GPI: variants seen among roughly 807,000 people sequenced by gnomAD.
GPI encodes glucose-6-phosphate isomerase.
A neutral mutation model predicts 75.8 loss-of-function variants in GPI; 56 were observed. The ratio of observed to expected loss-of-function variants is 0.74; its 90% CI spans 0.60 to 0.92. The LOEUF (loss-of-function observed/expected upper bound fraction) is 0.92. GPI is among the 40% of genes least tolerant of loss of function. The probability of loss-of-function intolerance (pLI) is 0.00; values close to 1 mark genes in which losing one functional copy is unlikely to be tolerated. For synonymous variants in GPI, 288 were observed against 285.4 expected (o/e 1.01, Z -0.09); for missense variants, 638 against 741.0 (o/e 0.86, Z 1.61).
intron 6 of GPI, among the ~76,000 whole-genome samples, chr19:34,378,560 G>A (rs2074587818): frequency 6.6e-6 from 1 of 152,024 alleles, no homozygotes; most frequent in Non-Finnish European, 1.5e-5. Context: ...TGATAATAGA[G>A]GGGTTTTGTT....
At chr19:34,366,059 A>G in intron 1 of GPI, 1 of 644,654 alleles carries the variant, frequency 1.6e-6, no homozygotes, top group Non-Finnish European at 2.9e-6. Context: ...TTACGGCAGA[A>G]AGTGGAAGCC....
chr19:34,366,774 T>C lies in GPI; in HGVS notation c.214-9T>C, dbSNP rs774656839. ...GGTGGGACCAGGCCTCAGTATCGTC[T>C]CTTCCTAGGCCAAGTCCAGGGGCGT... is the stretch of plus-strand genomic sequence containing the variant. On this transcript the variant is annotated splice_polypyrimidine_tract_variant and intron_variant, in intron 2 of 17. Transcript: ENST00000356487. 6.2e-7 allele frequency: 1 copy of C among 1,609,304 alleles called. No homozygotes were observed. Among genetic ancestry groups the C allele is most frequent in the African/African-American group, 1.3e-5 (1 of 74,934 alleles).
In GPI at chr19:34,393,662, G is replaced by T; in HGVS notation, c.866-66G>T. ...GCAGCCTTCCTTCGTTGCAGAAGGAGCTGTGCCCACTGCCCACAGGACGCA... is the reference window on the plus strand; with the variant it reads ...GCAGCCTTCCTTCGTTGCAGAAGGATCTGTGCCCACTGCCCACAGGACGCA... On this transcript the variant is annotated intron_variant, in intron 10 of 17. Coordinates refer to ENST00000356487, the MANE Select transcript of GPI (RefSeq NM_000175.5). This position sits in a 1 kb window ranked among gnomAD's most constrained non-coding sequence, Gnocchi z 4.4. The T allele has an allele frequency of 6.8e-7, 1 of 1,461,572 alleles. No individual in the cohort carries two copies. Among genetic ancestry groups the T allele is most frequent in the South Asian group, 1.1e-5 (1 of 88,076 alleles). 90.5% of individuals were successfully genotyped at this position (1,461,572 alleles called of 1,614,324 possible).
At chr19:34,385,217 C>T (rs2145388706) in intron 9 of GPI, among the ~76,000 whole-genome samples, 1 of 151,986 alleles carries the variant, frequency 6.6e-6, no homozygotes, top group African/African-American at 2.4e-5. Flanking sequence ...GGTGTGGTGG[C>T]ACACGCCTGT....
chr19:34,383,949 T>G (rs964702888), intron 9 of GPI, among the ~76,000 whole-genome samples: 2 of 152,128 alleles, frequency 1.3e-5, no homozygotes, highest in African/African-American at 4.8e-5. Context: ...AATGCAGCCT[T>G]TCAGAGCCGC....
chr19:34,367,619 C>T (rs2145322244), intron 3 of GPI, among the ~76,000 whole-genome samples: 1 of 152,312 alleles, frequency 6.6e-6, no homozygotes, highest in East Asian at 1.9e-4. Flanking sequence ...CCAAGATGAT[C>T]CTTTTCCTGC....
intron 9 of GPI, among the ~76,000 whole-genome samples, chr19:34,390,291 G>A (rs1336025621): frequency 6.9e-6 from 1 of 145,686 alleles, no homozygotes; most frequent in Non-Finnish European, 1.5e-5. Context: ...CAGAAATGTA[G>A]CTGTGGGTTT....
intron 9 of GPI, among the ~76,000 whole-genome samples, chr19:34,384,254 T>C (rs1487856170): frequency 6.6e-6 from 1 of 152,106 alleles, no homozygotes; most frequent in Non-Finnish European, 1.5e-5. Flanking sequence ...GACAAAGGGA[T>C]GACGAACCGC....
intron 4 of GPI, among the ~76,000 whole-genome samples, 179 bp from the exon 5 acceptor site, chr19:34,377,301 CAAAAAAAAAAAAAAAAAAAAAAA>C (rs1169701523): frequency 6.5e-5 from 1 of 15,470 alleles, no homozygotes; most frequent in Non-Finnish European, 9.9e-5. Context: ...GGCTTCATCT[CAAAAAAAAAAAAAAAAAAAAAAA>C]AAAAAAAAAA....
chr19:34,377,038 C>G (rs768515514), intron 4 of GPI, among the ~76,000 whole-genome samples: 6 of 150,940 alleles, frequency 4.0e-5, no homozygotes, highest in African/African-American at 1.2e-4. Context: ...TGCGGTGGCT[C>G]AAGCCAGTAA....
In GPI at chr19:34,377,358, T is replaced by TAC. The variant is rs1233755775; in HGVS notation, c.403-145_403-144insAC. 1.0e-5 allele frequency: 3 copies of TAC among 299,724 alleles called. No homozygotes were observed. The African/African-American group carries it at 1.0e-4, about 10-fold the overall frequency. 18.6% of individuals were successfully genotyped at this position (299,724 alleles called of 1,614,324 possible). On this transcript the variant is annotated intron_variant, in intron 4 of 17. Coordinates refer to ENST00000356487, the MANE Select transcript of GPI (RefSeq NM_000175.5). ...AAAAATATATATATATATATATATATGGTAAATTAAAAACAAAAAAATAGA... is the reference window on the plus strand; with the variant it reads ...AAAAATATATATATATATATATATATACGGTAAATTAAAAACAAAAAAATAGA...
chr19:34,365,149 G>A, upstream of GPI: 1 of 1,232,040 alleles, frequency 8.1e-7, no homozygotes, highest in East Asian at 3.5e-5. Flanking sequence ...GGGCCGGGCC[G>A]GGCCGGGCGC....
At chr19:34,365,521 C>A in intron 1 of GPI, 133 bp downstream of exon 1, 1 of 1,373,292 alleles carries the variant, frequency 7.3e-7, no homozygotes, top group Non-Finnish European at 1.0e-6. Context: ...GACTGGGGCC[C>A]AGGCCGAGTC....
At chr19:34,367,959 C>T (rs745899200) in intron 3 of GPI, among the ~76,000 whole-genome samples, 4 of 152,296 alleles carry the variant, frequency 2.6e-5, no homozygotes, top group Middle Eastern at 3.4e-3. Flanking sequence ...CTTGCTCTGT[C>T]GCCCAGGCTG....
chr19:34,360,490 T>A (rs1454635388), upstream of GPI, among the ~76,000 whole-genome samples: 2 of 152,092 alleles, frequency 1.3e-5, no homozygotes, highest in Admixed American at 6.6e-5. Flanking sequence ...TTCTAGCTAC[T>A]CAGGAGACCG....
At chr19:34,392,995 A>G (rs530349068) in intron 9 of GPI, 8 of 541,278 alleles carry the variant, frequency 1.5e-5, no homozygotes, top group Non-Finnish European at 2.4e-5. Flanking sequence ...CTGCAGAGAC[A>G]GGGCCCGACA....
At chr19:34,368,483 C>G (rs913973444) in intron 3 of GPI, 100 bp from the exon 4 acceptor site, 4 of 1,315,232 alleles carry the variant, frequency 3.0e-6, no homozygotes, top group Non-Finnish European at 4.4e-6. Flanking sequence ...GCCTGCCTGT[C>G]TAGTGGATAG....
intron 8 of GPI, 158 bp from the exon 9 acceptor site, chr19:34,381,308 C>G (rs1243433993): frequency 2.8e-6 from 2 of 714,172 alleles, no homozygotes; most frequent in East Asian, 5.2e-5. Context: ...GGGCCCTGCC[C>G]TCGACTCACA....
rs182711132 is a variant in GPI at position 34,374,578 on chromosome 19, T to C, written c.403-2925T>C. Reference sequence around the variant, plus strand: ...CAGGTGTAGTAGTACCTGCATTTCCTTTAGTACAGTTCCTTTCAATCTGAA... The same window carrying C: ...CAGGTGTAGTAGTACCTGCATTTCCCTTAGTACAGTTCCTTTCAATCTGAA... On this transcript the variant is annotated intron_variant, in intron 4 of 17. Transcript: ENST00000356487. 7.2e-5 allele frequency among the ~76,000 whole-genome samples: 11 copies of C among 152,306 alleles called. No homozygotes were observed. The East Asian group carries it at 2.1e-3, about 29-fold the overall frequency.
Sources: gnomAD v4.1 joint callset for allele counts (sites outside exome capture counted in the v4.1 genomes callset) on GRCh38, gnomAD v4.1.1 for gene constraint, Gnocchi (gnomAD v3.1) non-coding constraint, MANE v1.5 for transcripts, NCBI Gene and HGNC (gene_info 2026-07-23, HGNC 2026-07-21) for gene names.